RFC1: variants seen among roughly 807,000 people sequenced by gnomAD.
The protein encoded by RFC1 is A1 140 kDa subunit.
Under a neutral mutation model 137.4 loss-of-function variants are expected in RFC1, and 37 were observed. The ratio of observed to expected loss-of-function variants is 0.27; its 90% confidence interval spans 0.21 to 0.35. The LOEUF (loss-of-function observed/expected upper bound fraction) is 0.35. Ranked by LOEUF, RFC1 falls within the 10% of genes least tolerant of loss-of-function variation. The pLI is 1.00. For missense variants in RFC1, 1,205 were observed against 1,358.5 expected (o/e 0.89, Z 1.78); for synonymous variants, 429 against 455.7 (o/e 0.94, Z 0.75).
At chr4:39,296,240 T>C (rs959962167) in intron 21 of RFC1, among the ~76,000 whole-genome samples, 2 of 127,008 alleles carry the variant, frequency 1.6e-5, no homozygotes, top group African/African-American at 7.2e-5. Flanking sequence ...TTCACTTTCT[T>C]TTTTTTTTTC....
intron 1 of RFC1, among the ~76,000 whole-genome samples, chr4:39,364,080 TAAAAA>T (rs34471101): frequency 1.1e-4 from 14 of 122,922 alleles, no homozygotes; most frequent in Non-Finnish European, 2.0e-4. Context: ...ACCTTGCCTT[TAAAAA>T]AAAAAAAAAA....
At chr4:39,295,783 C>T (rs1335407770) in intron 21 of RFC1, 24 bp from the exon 22 acceptor site, 1 of 1,602,338 alleles carries the variant, frequency 6.2e-7, no homozygotes, top group Admixed American at 1.7e-5. Flanking sequence ...AATTGCAGTC[C>T]AGAATTTATG....
rs1288646838 is a variant in RFC1, at chr4:39,366,284, C to G, written c.-43G>C. ...GGCGCTGGCTGGCTGGCGGGTGGGC[C>G]GGTTGAGGAATCTGTTATCGAGGCT... On this transcript the variant is annotated 5_prime_UTR_variant, in exon 1 of 25. Coordinates refer to ENST00000349703, the MANE Select transcript of RFC1 (RefSeq NM_002913.5). The G allele has an allele frequency of 3.3e-6, 5 of 1,519,128 alleles. No individual in the cohort carries two copies. The South Asian group carries it at 6.1e-5, about 19-fold the overall frequency. 94.1% of individuals were successfully genotyped at this position (1,519,128 alleles called of 1,614,324 possible). A position where few individuals can be genotyped will look rare whatever the true frequency, so the allele number is the denominator to read the frequency against.
At chr4:39,315,598 G>A (rs1451875102) in intron 10 of RFC1, among the ~76,000 whole-genome samples, 6 of 152,086 alleles carry the variant, frequency 3.9e-5, no homozygotes, top group Non-Finnish European at 8.8e-5. Context: ...GCACAGTGTG[G>A]CCAACAACGA....
intron 22 of RFC1, among the ~76,000 whole-genome samples, chr4:39,294,187 A>G (rs1271983560): frequency 1.3e-5 from 2 of 152,244 alleles, no homozygotes; most frequent in Non-Finnish European, 2.9e-5. Flanking sequence ...ATACATGGGT[A>G]GCACAAAAGA....
At chr4:39,306,422 C>T (rs565465577) in intron 14 of RFC1, among the ~76,000 whole-genome samples, 170 bp downstream of exon 14, 66 of 152,236 alleles carry the variant, frequency 4.3e-4, no homozygotes, top group South Asian at 8.3e-4. Context: ...TTACAAACAT[C>T]GCCAGAACCA....
intron 14 of RFC1, among the ~76,000 whole-genome samples, chr4:39,305,346 C>T (rs973202737): frequency 5.3e-5 from 8 of 152,130 alleles, no homozygotes; most frequent in African/African-American, 1.9e-4. Context: ...TGACTCACAC[C>T]TGTAATACCA....
intron 8 of RFC1, 79 bp downstream of exon 8, chr4:39,321,208 A>G (rs1339879589): frequency 1.5e-5 from 16 of 1,064,950 alleles, no homozygotes; most frequent in Non-Finnish European, 1.4e-6. Context: ...ATTACTGAAT[A>G]GGATACTTAA....
At chr4:39,329,892 G>C (rs961128187) in intron 4 of RFC1, among the ~76,000 whole-genome samples, 1 of 152,076 alleles carries the variant, frequency 6.6e-6, no homozygotes, top group African/African-American at 2.4e-5. Flanking sequence ...AAAATTAGCT[G>C]GGCGTGGTGG....
At chr4:39,343,707 A>G (rs1740714636) in intron 3 of RFC1, among the ~76,000 whole-genome samples, 1 of 152,258 alleles carries the variant, frequency 6.6e-6, no homozygotes, top group Non-Finnish European at 1.5e-5. Flanking sequence ...TACAATATAG[A>G]GCAATAAAAG....
chr4:39,321,263 C>A, intron 8 of RFC1, 24 bp downstream of exon 8: 1 of 1,561,320 alleles, frequency 6.4e-7, no homozygotes, highest in Non-Finnish European at 8.8e-7. Context: ...AGTGCTCCAT[C>A]TTACTTTTTT....
intron 21 of RFC1, among the ~76,000 whole-genome samples, chr4:39,298,332 A>AAAAC (rs1738148751): frequency 7.0e-6 from 1 of 142,546 alleles, no homozygotes; most frequent in Non-Finnish European, 1.5e-5. Context: ...AAAAAAAAAA[A>AAAAC]ATTCTGTATC....
At chr4:39,305,008 A>G (rs1163625516) in intron 14 of RFC1, 80 bp from the exon 15 acceptor site, 2 of 808,756 alleles carry the variant, frequency 2.5e-6, no homozygotes, top group Non-Finnish European at 2.2e-6. Context: ...CAGTTAAGAA[A>G]GAAAGAAGGT....
At chr4:39,334,759 T>A (rs528036419) in intron 4 of RFC1, among the ~76,000 whole-genome samples, 1 of 152,192 alleles carries the variant, frequency 6.6e-6, no homozygotes, top group East Asian at 1.9e-4. Flanking sequence ...AGGATATCTG[T>A]CTTCTTGTAA....
intron 12 of RFC1, among the ~76,000 whole-genome samples, chr4:39,310,036 A>G (rs2123026): frequency 0.98 from 148,654 of 152,276 alleles, 72,660 homozygotes; most frequent in Middle Eastern, 1. Context: ...AATAATCAAG[A>G]TTATCCTCAC....
chr4:39,344,681 T>C (rs1377181415), intron 3 of RFC1, among the ~76,000 whole-genome samples: 2 of 152,144 alleles, frequency 1.3e-5, no homozygotes, highest in African/African-American at 4.8e-5. Flanking sequence ...CAGCTACAGG[T>C]GGCCAAAGCG....
intron 1 of RFC1, among the ~76,000 whole-genome samples, chr4:39,353,397 CAAAAAAAAA>C (rs11416030): frequency 4.7e-5 from 3 of 63,518 alleles, no homozygotes; most frequent in Admixed American, 2.5e-4. Flanking sequence ...GAGACTGTCT[CAAAAAAAAA>C]AAAAAAAAAA....
chr4:39,336,636 T>C (rs868487114), intron 4 of RFC1, among the ~76,000 whole-genome samples: 2 of 152,270 alleles, frequency 1.3e-5, no homozygotes, highest in African/African-American at 2.4e-5. Flanking sequence ...CTTAGTGGCA[T>C]GCCTGGCCTC....
At chr4:39,292,524 CAACTG>C (rs111702603) in intron 22 of RFC1, among the ~76,000 whole-genome samples, 5 of 152,262 alleles carry the variant, frequency 3.3e-5, no homozygotes, top group African/African-American at 1.2e-4. Context: ...AGACAGAAAG[CAACTG>C]AACAAAACAA....
Sources: allele counts gnomAD v4.1 joint callset (sites outside exome capture counted in the v4.1 genomes callset), GRCh38; gene constraint gnomAD v4.1.1; transcripts MANE v1.5; gene names NCBI Gene and HGNC (gene_info 2026-07-23, HGNC 2026-07-21).